EXOC6B: variants seen among roughly 807,000 people sequenced by gnomAD.
The protein encoded by EXOC6B is SEC15 homolog B.
A neutral mutation model predicts 113.5 loss-of-function variants in EXOC6B; 54 were observed. The observed-to-expected ratio is 0.48, with a 90% confidence interval of 0.38 to 0.60. The LOEUF is 0.60. EXOC6B is among the 20% of genes least tolerant of loss of function. The probability of loss-of-function intolerance (pLI) is 0.00; values close to 1 mark genes in which losing one functional copy is unlikely to be tolerated. For synonymous variants in EXOC6B, 357 were observed against 339.0 expected (o/e 1.05, Z -0.58); for missense variants, 797 against 977.5 (o/e 0.82, Z 2.46).
chr2:72,183,936 G>T, intron 21 of EXOC6B, 139 bp downstream of exon 21: 1 of 528,662 alleles, frequency 1.9e-6, no homozygotes. Flanking sequence ...TGAGATTGCT[G>T]ACAGCACCCA....
intron 6 of EXOC6B, among the ~76,000 whole-genome samples, chr2:72,645,062 C>T (rs1673592264): frequency 6.6e-6 from 1 of 152,026 alleles, no homozygotes; most frequent in South Asian, 2.1e-4. Context: ...CAGAGACACA[C>T]ACAGGCTCAA....
chr2:72,304,816 A>G (rs1686737083), intron 20 of EXOC6B, among the ~76,000 whole-genome samples: 1 of 152,218 alleles, frequency 6.6e-6, no homozygotes, highest in African/African-American at 2.4e-5. Context: ...GACAGCTTTG[A>G]AGCTGCAAGG....
Position 72,741,463 on chromosome 2 carries a change from A to C in EXOC6B, c.120T>G (p.Val40=), listed in dbSNP as rs918475362. ...TACIGPTLRS[V]YDGEEHGRFM... ...AACGTCCATGTTCTTCACCATCATA[A>C]ACAGACCTTTAAAAAAAAATGGCAC... The change falls in exon 2 of 22, where the codon GTT becomes GTG. Residue 40 remains valine, a synonymous_variant. Transcript: ENST00000272427. 1.2e-6 allele frequency: 2 copies of C among 1,603,236 alleles called. No individual in the cohort carries two copies. Among genetic ancestry groups the C allele is most frequent in the South Asian group, 2.2e-5 (2 of 89,254 alleles).
intron 1 of EXOC6B, among the ~76,000 whole-genome samples, chr2:72,745,332 C>G (rs558643334): frequency 6.6e-6 from 1 of 152,126 alleles, no homozygotes; most frequent in South Asian, 2.1e-4. Flanking sequence ...TTTCTACCTG[C>G]TTATCACTAC....
chr2:72,382,901 T>C (rs1256645390), intron 18 of EXOC6B, among the ~76,000 whole-genome samples: 1 of 152,168 alleles, frequency 6.6e-6, no homozygotes, highest in African/African-American at 2.4e-5. Context: ...TTGCTGAAGT[T>C]GTTTATCAGC....
At chr2:72,584,417 AG>A (rs1168912181) in intron 6 of EXOC6B, among the ~76,000 whole-genome samples, 1 of 152,244 alleles carries the variant, frequency 6.6e-6, no homozygotes, top group Non-Finnish European at 1.5e-5. Flanking sequence ...AGGACAAAGT[AG>A]GGCATTATAT....
At chr2:72,819,230 A>T (rs180951237) in intron 1 of EXOC6B, among the ~76,000 whole-genome samples, 215 of 152,378 alleles carry the variant, frequency 1.4e-3, no homozygotes, top group African/African-American at 4.6e-3. Flanking sequence ...CTAATATTTA[A>T]TATAATAACA....
intron 18 of EXOC6B, among the ~76,000 whole-genome samples, chr2:72,410,082 G>A (rs751269000): frequency 1.3e-5 from 2 of 152,130 alleles, no homozygotes; most frequent in African/African-American, 4.8e-5. Flanking sequence ...TTTTTCTGCT[G>A]TAATCCTTTG....
intron 20 of EXOC6B, among the ~76,000 whole-genome samples, chr2:72,280,851 C>A (rs908859229): frequency 6.6e-6 from 1 of 152,002 alleles, no homozygotes; most frequent in Non-Finnish European, 1.5e-5. Flanking sequence ...AAACTCACAG[C>A]TGGATAAACA....
At chr2:72,384,660 T>A (rs1044215699) in intron 18 of EXOC6B, among the ~76,000 whole-genome samples, 7 of 152,130 alleles carry the variant, frequency 4.6e-5, no homozygotes, top group Admixed American at 1.3e-4. Context: ...ATAAACAAAT[T>A]CAGTAAAGTT....
At chr2:72,791,969 T>C (rs1477364629) in intron 1 of EXOC6B, among the ~76,000 whole-genome samples, 1 of 152,204 alleles carries the variant, frequency 6.6e-6, no homozygotes, top group African/African-American at 2.4e-5. Context: ...CAGTCTGGGC[T>C]CTGTTAAAGA....
In EXOC6B at chr2:72,557,462, C is replaced by T. The variant is rs965547192; in HGVS notation, c.915+1991G>A. 2.6e-5 allele frequency among the ~76,000 whole-genome samples: 4 copies of T among 152,022 alleles called. No homozygotes were observed. In the South Asian group the frequency reaches 8.3e-4, roughly 32 times the overall value. The stretch of plus-strand genomic sequence containing the variant: ...TTATATAACATGAATGGTACATGTG[C>T]AGCCATAAAAAAGAATGAGATCATG... On this transcript the variant is annotated intron_variant, in intron 8 of 21. Transcript: ENST00000272427.
At chr2:72,373,185 C>T (rs1382159281) in intron 19 of EXOC6B, among the ~76,000 whole-genome samples, 1 of 151,550 alleles carries the variant, frequency 6.6e-6, no homozygotes, top group East Asian at 2.0e-4. Context: ...TCTCCTGCCT[C>T]AGCCTCTCGA....
At chr2:72,299,942 T>C (rs1334222122) in intron 20 of EXOC6B, among the ~76,000 whole-genome samples, 2 of 152,132 alleles carry the variant, frequency 1.3e-5, no homozygotes, top group Non-Finnish European at 1.5e-5. Flanking sequence ...AGCGCTCCTG[T>C]ATGAGGTGTC....
At chr2:72,766,246 T>C (rs1162361516) in intron 1 of EXOC6B, among the ~76,000 whole-genome samples, 2 of 152,172 alleles carry the variant, frequency 1.3e-5, no homozygotes, top group Non-Finnish European at 2.9e-5. Context: ...AGCTCAGTCG[T>C]TGACTGGATT....
chr2:72,258,359 T>A (rs2104572061), intron 20 of EXOC6B, among the ~76,000 whole-genome samples: 1 of 150,268 alleles, frequency 6.7e-6, no homozygotes, highest in South Asian at 2.1e-4. Context: ...TTTTATCTTT[T>A]TCTTTTTTTT....
intron 8 of EXOC6B, among the ~76,000 whole-genome samples, chr2:72,521,641 A>T (rs1156576486): frequency 2.0e-5 from 3 of 152,222 alleles, no homozygotes; most frequent in African/African-American, 7.2e-5. Context: ...ATTTTTATGC[A>T]TCTAAAGTAT....
intron 6 of EXOC6B, among the ~76,000 whole-genome samples, chr2:72,713,395 A>C (rs1679392287): frequency 6.6e-6 from 1 of 152,162 alleles, no homozygotes; most frequent in Non-Finnish European, 1.5e-5. Context: ...ACCATGATAC[A>C]GGAGGAATAT....
intron 20 of EXOC6B, among the ~76,000 whole-genome samples, chr2:72,333,945 T>A (rs1688546037): frequency 6.6e-6 from 1 of 151,844 alleles, no homozygotes; most frequent in Admixed American, 6.6e-5. Context: ...ATACAAGGGG[T>A]CCTGCAGCTT....
Sources: allele counts gnomAD v4.1 joint callset (sites outside exome capture counted in the v4.1 genomes callset), GRCh38; gene constraint gnomAD v4.1.1; transcripts MANE v1.5; gene names NCBI Gene and HGNC (gene_info 2026-07-23, HGNC 2026-07-21).